The following STRN4 variants were observed in gnomAD, a reference collection of about 807,000 sequenced individuals.
STRN4 encodes the protein striatin 4, also known as striatin-4.
Under a neutral mutation model 77.9 loss-of-function variants are expected in STRN4, and 27 were observed. The ratio of observed to expected loss-of-function variants is 0.35; its 90% confidence interval spans 0.26 to 0.48. The LOEUF is 0.48. STRN4 is among the 20% of genes least tolerant of loss of function. The pLI, the probability that STRN4 is intolerant of heterozygous loss-of-function variation, is 0.99. For missense variants in STRN4, 798 were observed against 1,049.7 expected (o/e 0.76, Z 3.31); for synonymous variants, 466 against 443.1 (o/e 1.05, Z -0.65).
chr19:46,728,307 T>A (rs2054169146), intron 7 of STRN4: 6 of 587,180 alleles, frequency 1.0e-5, no homozygotes, highest in Non-Finnish European at 1.8e-5. Context: ...CACCTGCCTC[T>A]CCCCGACTGG....
chr19:46,724,655 C>T lies in STRN4; in HGVS notation c.1594+152G>A, dbSNP rs547063934. 182 of 1,210,506 alleles carry T rather than the reference C, an allele frequency of 1.5e-4. 1 individual carries two copies. In the African/African-American group the frequency reaches 2.4e-3, roughly 16 times the overall value. 75.0% of individuals were successfully genotyped at this position (1,210,506 alleles called of 1,614,324 possible). ...CTCGTCCCTTGGCCACGCGCTGCAT[C>T]GCGCTGCTCACAACAGAGCAGACAG... On this transcript the variant is annotated intron_variant, in intron 12 of 17. Coordinates refer to ENST00000263280, the MANE Select transcript of STRN4 (RefSeq NM_013403.3).
chr19:46,732,045 G>T (rs1438146180), intron 5 of STRN4: 2 of 152,256 alleles, frequency 1.3e-5, no homozygotes, highest in Non-Finnish European at 2.9e-5. Flanking sequence ...CGTCTCAGGG[G>T]ATGCTGCTCC....
chr19:46,738,340 C>T lies in STRN4; in HGVS notation c.387-103G>A. ...CCCAAACCCCAAATCACAGGGCCTC[C>T]CCCAGCTCGTCTACTACTGAGGCTG... is the stretch of plus-strand genomic sequence containing the variant. On this transcript the variant is annotated intron_variant, in intron 2 of 17. Transcript: ENST00000263280. The surrounding 1 kb of genome is among the most constrained non-coding windows in gnomAD (Gnocchi z 4.5). 9.0e-7 allele frequency: 1 copy of T among 1,106,504 alleles called. No individual in the cohort carries two copies. Among genetic ancestry groups the T allele is most frequent in the South Asian group, 1.3e-5 (1 of 79,426 alleles). 68.5% of individuals were successfully genotyped at this position (1,106,504 alleles called of 1,614,324 possible).
At position 46,720,787 on chromosome 19, in the gene STRN4, G is replaced by A. The variant is rs2053958783; in HGVS notation, c.2093-16C>T. 3 of 1,537,774 alleles carry A rather than the reference G, an allele frequency of 2.0e-6. No homozygotes were observed. Among genetic ancestry groups the A allele is most frequent in the Non-Finnish European group, 2.6e-6 (3 of 1,134,488 alleles). On this transcript the variant is annotated splice_polypyrimidine_tract_variant and intron_variant, in intron 16 of 17. Transcript: ENST00000263280. ...CAGTCATGGCCTGCACATGTGTCGG[G>A]GACAGAAGGGGTGGTCACTGGGCTC... is the stretch of plus-strand genomic sequence containing the variant.
intron 8 of STRN4, 55 bp from the exon 9 acceptor site, chr19:46,727,601 GC>G: frequency 7.0e-7 from 1 of 1,432,472 alleles, no homozygotes; most frequent in Non-Finnish European, 9.8e-7. Flanking sequence ...GGCAGAGAGG[GC>G]CAGGGAGAGA....
In STRN4 at chr19:46,723,172, G is replaced by A. The variant is rs1360524569; in HGVS notation, c.1707C>T (p.Arg569=). 18 of 1,564,280 alleles carry A rather than the reference G, an allele frequency of 1.2e-5. No individual in the cohort carries two copies. Among genetic ancestry groups the A allele is most frequent in the Non-Finnish European group, 1.6e-5 (18 of 1,155,298 alleles). ...GGCTGCTGCTGCTGGGGTCCCAGAT[G>A]CGGACGGTGCCATCAGCAGAACAGG... ...LASCSADGTV[R]IWDPSSSSPA... is the part of the protein sequence containing the mutation. The change falls in exon 13 of 18, where the codon CGC becomes CGT. Residue 569 remains arginine, a synonymous_variant. Coordinates refer to ENST00000263280, the MANE Select transcript of STRN4 (RefSeq NM_013403.3). This position sits in a 1 kb window ranked among gnomAD's most constrained non-coding sequence, Gnocchi z 5.5.
intron 9 of STRN4, among the ~76,000 whole-genome samples, chr19:46,726,487 A>AC (rs916819732): frequency 4.6e-5 from 7 of 151,136 alleles, no homozygotes; most frequent in African/African-American, 1.5e-4. Context: ...AAGGAGCAAA[A>AC]AAAAAAAAAA....
chr19:46,737,480 C>T (rs577057923), intron 3 of STRN4, among the ~76,000 whole-genome samples: 2 of 152,168 alleles, frequency 1.3e-5, no homozygotes, highest in African/African-American at 2.4e-5. Context: ...CCATCACTAT[C>T]AGCTGAGCAC....
chr19:46,722,120 C>G, intron 15 of STRN4, 48 bp from the exon 16 acceptor site: 1 of 1,609,208 alleles, frequency 6.2e-7, no homozygotes, highest in South Asian at 1.1e-5. Context: ...CTCTGGGCCT[C>G]GCCTGAGAGA....
In STRN4 at chr19:46,730,852, G is replaced by A. The variant is rs1271998429; in HGVS notation, c.759C>T (p.Gly253=). Residue 253 remains glycine (G), a synonymous_variant, in exon 6 of 18, where the codon GGC becomes GGT. Transcript: ENST00000263280. ...GCACTGAGCCGCCCAAGCGCTCTTT[G>A]CCATCTTTGCCTGCCGCGTTCCTGC... The part of the protein sequence containing the change: ...QIKRNAAGKD[G]KERLGGSVLG... 1 of 1,611,678 alleles carries A rather than the reference G, an allele frequency of 6.2e-7. No homozygotes were observed.
In STRN4 at chr19:46,733,335, T is replaced by A; in HGVS notation, c.540-99A>T. 1 of 1,201,056 alleles carries A rather than the reference T, an allele frequency of 8.3e-7. No individual in the cohort carries two copies. The allele number at this position is 1,201,056 out of a possible 1,614,324, so 74.4% of individuals were successfully genotyped here. A position where few individuals can be genotyped will look rare whatever the true frequency, so the allele number is the denominator to read the frequency against. ...CGAGACAACCTCTTAAGGGGCCACTTAAGAGCATACACCAAAATCTGACAT... is the reference window on the plus strand; with the variant it reads ...CGAGACAACCTCTTAAGGGGCCACTAAAGAGCATACACCAAAATCTGACAT... On this transcript the variant is annotated intron_variant, in intron 4 of 17. Transcript: ENST00000263280. The surrounding 1 kb of genome is among the most constrained non-coding windows in gnomAD (Gnocchi z 4.3).
Position 46,738,964 on chromosome 19 carries a change from G to C in STRN4, c.283-76C>G. On this transcript the variant is annotated intron_variant, in intron 1 of 17. Coordinates refer to ENST00000263280, the MANE Select transcript of STRN4 (RefSeq NM_013403.3). The surrounding 1 kb of genome is among the most constrained non-coding windows in gnomAD (Gnocchi z 4.5). ...GCCGGTGTGTCTATCACTCACCCAG[G>C]TATAGTGCCAGCCCACAGTCACCCC... The C allele has an allele frequency of 7.9e-7, 1 of 1,271,430 alleles. No homozygotes were observed. The highest frequency in any genetic ancestry group is 1.1e-6 in the Non-Finnish European group (1 of 880,786). The allele number at this position is 1,271,430 out of a possible 1,614,324, so 78.8% of individuals were successfully genotyped here.
intron 5 of STRN4, 102 bp from the exon 6 acceptor site, chr19:46,730,975 G>C (rs2054237448): frequency 6.6e-7 from 1 of 1,526,634 alleles, no homozygotes; most frequent in Non-Finnish European, 8.9e-7. Context: ...CCCAGACCCA[G>C]CTAACCCCCT....
At chr19:46,735,506 A>G (rs1419238312) in intron 4 of STRN4, among the ~76,000 whole-genome samples, 1 of 152,116 alleles carries the variant, frequency 6.6e-6, no homozygotes, top group Admixed American at 6.5e-5. Flanking sequence ...TTAAGATAAC[A>G]GAGGCAAAAA....
intron 16 of STRN4, 27 bp from the exon 17 acceptor site, chr19:46,720,798 G>A (rs774349887): frequency 6.5e-7 from 1 of 1,527,468 alleles, no homozygotes; most frequent in East Asian, 2.4e-5. Flanking sequence ...GACAGAAGGG[G>A]TGGTCACTGG....
At chr19:46,725,930 C>A (rs2054102182) in intron 9 of STRN4, 4 of 456,536 alleles carry the variant, frequency 8.8e-6, no homozygotes, top group South Asian at 8.1e-5. Flanking sequence ...GGGGACACAA[C>A]TGGACCATCC....
At chr19:46,722,754 A>C in intron 14 of STRN4, 56 bp downstream of exon 14, 1 of 1,598,864 alleles carries the variant, frequency 6.3e-7, no homozygotes, top group Non-Finnish European at 8.6e-7. Context: ...CCCAGGAGGA[A>C]GTGGGGCCCA....
intron 4 of STRN4, chr19:46,736,057 T>C (rs1264712320): frequency 6.6e-6 from 1 of 152,122 alleles, no homozygotes; most frequent in African/African-American, 2.4e-5. Context: ...GCGGATCACT[T>C]GAGCTCAGGA....
intron 9 of STRN4, among the ~76,000 whole-genome samples, chr19:46,727,133 G>GC (rs1467343603): frequency 6.9e-6 from 1 of 145,386 alleles, no homozygotes; most frequent in Non-Finnish European, 1.6e-5. Flanking sequence ...TTTCATTTCA[G>GC]CCCAGCTGCC....
Sources: allele counts gnomAD v4.1 joint callset (sites outside exome capture counted in the v4.1 genomes callset), GRCh38; gene constraint gnomAD v4.1.1; non-coding constraint Gnocchi (gnomAD v3.1); transcripts MANE v1.5; gene names NCBI Gene and HGNC (gene_info 2026-07-23, HGNC 2026-07-21).